CCDC163: variants seen among roughly 807,000 people sequenced by gnomAD.
CCDC163 encodes CCDC163 homolog, also known as transmembrane protein CCDC163.
A neutral mutation model predicts 8.2 loss-of-function variants in CCDC163; 13 were observed. The ratio of observed to expected loss-of-function variants is 1.59; its 90% CI spans 1.04 to 2.54. The LOEUF (loss-of-function observed/expected upper bound fraction) is 2.54. Ranked by LOEUF, CCDC163 falls within the 30% of genes most tolerant of loss-of-function variation. The pLI is 0.00. For missense variants in CCDC163, 117 were observed against 78.6 expected (o/e 1.49, Z -1.85); for synonymous variants, 41 against 30.9 (o/e 1.33, Z -1.08).
chr1:45,496,902 T>C (rs1654199436), intron 3 of CCDC163, among the ~76,000 whole-genome samples: 1 of 152,212 alleles, frequency 6.6e-6, no homozygotes, highest in East Asian at 1.9e-4. Flanking sequence ...GGCTCACACC[T>C]GTAATCCCAG....
At chr1:45,499,235 A>C in intron 2 of CCDC163, 110 bp downstream of exon 2, 1 of 706,052 alleles carries the variant, frequency 1.4e-6, no homozygotes, top group South Asian at 1.5e-5. Context: ...GGGGAAACAG[A>C]GTTCAGGAAA....
chr1:45,495,655 CTTTT>C, intron 4 of CCDC163: 416 of 468,520 alleles, frequency 8.9e-4, no homozygotes, highest in South Asian at 1.3e-3. Flanking sequence ...TCTCCTCCCT[CTTTT>C]TTTTTTTTTT....
At chr1:45,495,900 C>T (rs893221173) in intron 4 of CCDC163, among the ~76,000 whole-genome samples, 7 of 152,058 alleles carry the variant, frequency 4.6e-5, no homozygotes, top group Admixed American at 1.3e-4. Context: ...TCAGGTGATC[C>T]GCCCACCTCG....
Position 45,496,728 on chromosome 1 carries a change from G to T in CCDC163, c.263-105C>A, listed in dbSNP as rs539340410. On this transcript the variant is annotated intron_variant, in intron 3 of 4. Transcript: ENST00000629482. ...CAAAAACTGAGACAGAAACATTCTG[G>T]CTCAGCCATTGGGACGCTTCCAAGC... 2.4e-5 allele frequency: 16 copies of T among 670,562 alleles called. No individual in the cohort carries two copies. In the African/African-American group the frequency reaches 2.7e-4, roughly 11 times the overall value. 41.5% of individuals were successfully genotyped at this position (670,562 alleles called of 1,614,324 possible).
intron 2 of CCDC163, among the ~76,000 whole-genome samples, chr1:45,497,698 G>C (rs1415197734): frequency 4.9e-5 from 2 of 40,596 alleles, no homozygotes; most frequent in Admixed American, 5.8e-4. Flanking sequence ...CCCCGTCCGG[G>C]AGGGAGGTGG....
chr1:45,497,853 C>T (rs576148038), intron 2 of CCDC163, among the ~76,000 whole-genome samples: 1 of 147,204 alleles, frequency 6.8e-6, no homozygotes, highest in Admixed American at 6.8e-5. Flanking sequence ...AGCCCCTCTG[C>T]CCGGCCACCA....
chr1:45,497,417 C>G (rs759401173), intron 2 of CCDC163, 34 bp from the exon 3 acceptor site: 2 of 774,234 alleles, frequency 2.6e-6, no homozygotes, highest in East Asian at 4.9e-5. Context: ...AGTAAGAAGG[C>G]AAGTAGAGTA....
At chr1:45,495,620 C>T (rs1654046893) in intron 4 of CCDC163, 1 of 689,938 alleles carries the variant, frequency 1.4e-6, no homozygotes, top group Non-Finnish European at 2.6e-6. Flanking sequence ...CAGAACTGTC[C>T]TCCTTCCTCA....
intron 2 of CCDC163, chr1:45,498,674 T>G (rs1237372885): frequency 6.5e-6 from 1 of 154,174 alleles, no homozygotes; most frequent in Non-Finnish European, 1.4e-5. Context: ...TCATCCTCTC[T>G]AAGAGTTTCA....
In CCDC163 at chr1:45,495,464, G is replaced by A. The variant is rs1411706928; in HGVS notation, c.331-298C>T. On this transcript the variant is annotated intron_variant, in intron 4 of 4. Coordinates refer to ENST00000629482, the MANE Select transcript of CCDC163 (RefSeq NM_001102601.3). ...AGCTACTGTTACTGTCCAGAAGACT[G>A]AATTAAGAGCTGGATGAAGAAACAG... 1.0e-5 allele frequency: 7 copies of A among 702,842 alleles called. No individual in the cohort carries two copies. The East Asian group carries it at 1.9e-4, about 19-fold the overall frequency. 43.5% of individuals were successfully genotyped at this position (702,842 alleles called of 1,614,324 possible).
At chr1:45,498,065 TG>T (rs1643406789) in intron 2 of CCDC163, among the ~76,000 whole-genome samples, 2 of 151,166 alleles carry the variant, frequency 1.3e-5, no homozygotes, top group Admixed American at 1.3e-4. Context: ...GGGATCCTGT[TG>T]ATCTGTGACC....
intron 2 of CCDC163, among the ~76,000 whole-genome samples, chr1:45,497,643 CG>C (rs1654297885): frequency 1.3e-5 from 1 of 76,128 alleles, no homozygotes; most frequent in African/African-American, 5.3e-5. Context: ...TCTGCCCGGC[CG>C]CCACCCCGTC....
At position 45,499,897 on chromosome 1, in the gene CCDC163, C is replaced by T; in HGVS notation, c.-288G>A. The T allele has an allele frequency of 2.0e-6, 1 of 507,402 alleles. No homozygotes were observed. Among genetic ancestry groups the T allele is most frequent in the Non-Finnish European group, 3.6e-6 (1 of 279,072 alleles). The allele number at this position is 507,402 out of a possible 1,614,324, so 31.4% of individuals were successfully genotyped here. A position where few individuals can be genotyped will look rare whatever the true frequency, so the allele number is the denominator to read the frequency against. On this transcript the variant is annotated 5_prime_UTR_variant, in exon 1 of 5. Transcript: ENST00000629482. ...GTGCCAGAACCTGGTTGAGACCTCCCCAGAAGTAGTACACTGGCGCCACCA... is the reference window on the plus strand; with the variant it reads ...GTGCCAGAACCTGGTTGAGACCTCCTCAGAAGTAGTACACTGGCGCCACCA...
At position 45,495,214 on chromosome 1, in the gene CCDC163, G is replaced by A. The variant is rs773712849; in HGVS notation, c.331-48C>T. On this transcript the variant is annotated intron_variant, in intron 4 of 4. Transcript: ENST00000629482. Reference sequence around the variant, plus strand: ...AGAAAACAAGTCATCAGCAAGCATTGTGATATGCATAGAACTAGGCCCTAG... The same window carrying A: ...AGAAAACAAGTCATCAGCAAGCATTATGATATGCATAGAACTAGGCCCTAG... The A allele has an allele frequency of 1.3e-5, 10 of 780,432 alleles. No homozygotes were observed. The Admixed American group carries it at 1.7e-4, about 13-fold the overall frequency. The allele number at this position is 780,432 out of a possible 1,614,324, so 48.3% of individuals were successfully genotyped here.
intron 4 of CCDC163, chr1:45,496,339 T>C (rs1410028195): frequency 1.5e-5 from 10 of 660,734 alleles, no homozygotes; most frequent in Non-Finnish European, 2.8e-5. Context: ...TTCAGCACAC[T>C]TGGAACCCTC....
chr1:45,494,806 A>G lies in CCDC163; in HGVS notation c.*253T>C. ...ACCCCATCTCTACTAAAAATACAAA[A>G]ATTAGCGCACACCTGTAATCCCAGC... is the stretch of plus-strand genomic sequence containing the variant. On this transcript the variant is annotated 3_prime_UTR_variant, in exon 5 of 5. Coordinates refer to ENST00000629482, the MANE Select transcript of CCDC163 (RefSeq NM_001102601.3). The G allele has an allele frequency of 2.2e-6, 1 of 446,400 alleles. No homozygotes were observed. The highest frequency in any genetic ancestry group is 4.2e-5 in the East Asian group (1 of 23,880). The allele number at this position is 446,400 out of a possible 1,614,324, so 27.7% of individuals were successfully genotyped here. A position where few individuals can be genotyped will look rare whatever the true frequency, so the allele number is the denominator to read the frequency against.
At chr1:45,496,976 C>T (rs1294663108) in intron 3 of CCDC163, among the ~76,000 whole-genome samples, 2 of 152,204 alleles carry the variant, frequency 1.3e-5, no homozygotes, top group African/African-American at 4.8e-5. Context: ...GCTCGGCCAA[C>T]ATGGTGAAAC....
At chr1:45,495,454 C>T (rs562485668) in intron 4 of CCDC163, 2 of 702,770 alleles carry the variant, frequency 2.8e-6, no homozygotes, top group East Asian at 2.7e-5. Flanking sequence ...CTGTTACTGT[C>T]CAGAAGACTG....
intron 4 of CCDC163, chr1:45,495,393 C>T (rs942678573): frequency 2.1e-5 from 15 of 702,764 alleles, no homozygotes; most frequent in Admixed American, 8.0e-5. Context: ...TCCCCCAAAA[C>T]GGGAATCCTT....
Sources: gnomAD v4.1 joint callset for allele counts (sites outside exome capture counted in the v4.1 genomes callset) on GRCh38, gnomAD v4.1.1 for gene constraint, MANE v1.5 for transcripts, NCBI Gene and HGNC (gene_info 2026-07-23, HGNC 2026-07-21) for gene names.